XYLT1: variants seen among roughly 807,000 people sequenced by gnomAD.
The protein encoded by XYLT1 is xylosyltransferase 1.
A neutral mutation model predicts 91.3 loss-of-function variants in XYLT1; 36 were observed. That is an observed-to-expected ratio of 0.39 (90% confidence interval 0.30 to 0.52). The LOEUF is 0.52. Ranked by LOEUF, XYLT1 falls within the 20% of genes least tolerant of loss-of-function variation. The pLI, the probability that XYLT1 is intolerant of heterozygous loss-of-function variation, is 0.68. For missense variants in XYLT1, 1,242 were observed against 1,284.5 expected, an observed-to-expected ratio of 0.97 and a Z score of 0.51; for synonymous variants, 588 against 532.0, an observed-to-expected ratio of 1.11 and a Z score of -1.45.
At chr16:17,447,556 C>T (rs1356480139) in intron 1 of XYLT1, among the ~76,000 whole-genome samples, 3 of 152,234 alleles carry the variant, frequency 2.0e-5, no homozygotes, top group Non-Finnish European at 4.4e-5. Flanking sequence ...ACATTTGGAA[C>T]TTGGCAGGGG....
At chr16:17,224,993 G>A (rs952816915) in intron 3 of XYLT1, among the ~76,000 whole-genome samples, 1 of 152,084 alleles carries the variant, frequency 6.6e-6, no homozygotes, top group Non-Finnish European at 1.5e-5. Context: ...CTTAACTTAC[G>A]CAACAGGTGG....
intron 6 of XYLT1, among the ~76,000 whole-genome samples, chr16:17,152,161 C>T (rs1468033097): frequency 6.6e-6 from 1 of 152,158 alleles, no homozygotes; most frequent in Non-Finnish European, 1.5e-5. Flanking sequence ...TCATACTCTA[C>T]CTTTCAGAGA....
chr16:17,139,175 G>A (rs1663629789), intron 7 of XYLT1, among the ~76,000 whole-genome samples: 1 of 152,208 alleles, frequency 6.6e-6, no homozygotes, highest in African/African-American at 2.4e-5. Context: ...TGGAGTACTT[G>A]AGAGACTGCC....
intron 1 of XYLT1, among the ~76,000 whole-genome samples, chr16:17,401,417 G>T (rs1168169212): frequency 6.6e-6 from 1 of 152,184 alleles, no homozygotes; most frequent in Non-Finnish European, 1.5e-5. Flanking sequence ...GCAAGCTGAA[G>T]TTGTGGAAAT....
intron 1 of XYLT1, among the ~76,000 whole-genome samples, chr16:17,410,423 G>C (rs1053820702): frequency 6.6e-6 from 1 of 152,188 alleles, no homozygotes; most frequent in African/African-American, 2.4e-5. Flanking sequence ...TCACATGGCA[G>C]CAGACAAGGG....
At chr16:17,239,697 C>T (rs2033315320) in intron 3 of XYLT1, among the ~76,000 whole-genome samples, 1 of 150,608 alleles carries the variant, frequency 6.6e-6, no homozygotes, top group Admixed American at 6.6e-5. Flanking sequence ...CATCCATCCA[C>T]CCATCCATCC....
intron 2 of XYLT1, among the ~76,000 whole-genome samples, chr16:17,274,899 G>A (rs1459127068): frequency 5.3e-5 from 8 of 152,076 alleles, no homozygotes; most frequent in East Asian, 3.8e-4. Context: ...GAGCAGGGCC[G>A]GGCACGGTGG....
At chr16:17,334,686 A>G (rs6498682) in intron 2 of XYLT1, among the ~76,000 whole-genome samples, 22,440 of 152,140 alleles carry the variant, frequency 0.15, 1,989 homozygotes, top group African/African-American at 0.25. Context: ...ATCTACTATT[A>G]TCCTGGCTAA....
At chr16:17,348,377 G>A (rs75206805) in intron 2 of XYLT1, among the ~76,000 whole-genome samples, 1,688 of 152,208 alleles carry the variant, frequency 0.011, 18 homozygotes, top group Middle Eastern at 0.027. Flanking sequence ...TTCCTTCCAT[G>A]TCAAGTATAA....
intron 1 of XYLT1, among the ~76,000 whole-genome samples, chr16:17,442,026 C>A (rs1472867473): frequency 6.6e-6 from 1 of 151,848 alleles, no homozygotes; most frequent in Non-Finnish European, 1.5e-5. Context: ...GGTGGCTGAT[C>A]CACCCCCATG....
At chr16:17,230,458 C>T (rs1165915868) in intron 3 of XYLT1, among the ~76,000 whole-genome samples, 1 of 152,164 alleles carries the variant, frequency 6.6e-6, no homozygotes, top group African/African-American at 2.4e-5. Flanking sequence ...CACTCTAAGC[C>T]TTCCGTGAGC....
chr16:17,417,760 T>C (rs140487528), intron 1 of XYLT1, among the ~76,000 whole-genome samples: 177 of 152,312 alleles, frequency 1.2e-3, no homozygotes, highest in South Asian at 6.6e-3. Context: ...AGCTGACCAA[T>C]TGAATGCAGT....
intron 3 of XYLT1, among the ~76,000 whole-genome samples, chr16:17,212,773 A>C (rs1417745493): frequency 6.6e-6 from 1 of 152,184 alleles, no homozygotes. Flanking sequence ...TATACTGCTC[A>C]ATAAATGGAA....
chr16:17,190,270 T>A (rs1009584058), intron 5 of XYLT1, among the ~76,000 whole-genome samples: 5 of 152,162 alleles, frequency 3.3e-5, no homozygotes, highest in Non-Finnish European at 7.3e-5. Flanking sequence ...AGTGGTTAAT[T>A]TTATGTTATA....
intron 1 of XYLT1, among the ~76,000 whole-genome samples, chr16:17,370,093 G>A (rs1349801647): frequency 1.3e-5 from 2 of 152,186 alleles, no homozygotes; most frequent in Non-Finnish European, 2.9e-5. Flanking sequence ...GAGGAAGGGG[G>A]TCCAGGTCAC....
At chr16:17,319,785 A>G (rs1379854054) in intron 2 of XYLT1, among the ~76,000 whole-genome samples, 1 of 152,164 alleles carries the variant, frequency 6.6e-6, no homozygotes, top group Non-Finnish European at 1.5e-5. Context: ...TTTGAATTCC[A>G]GCTCTGACAT....
chr16:17,259,370 G>C lies in XYLT1; in HGVS notation c.531C>G (p.His177Gln). 3 of 1,614,148 alleles carry C rather than the reference G, an allele frequency of 1.9e-6. No individual in the cohort carries two copies. The highest frequency in any genetic ancestry group is 2.5e-6 in the Non-Finnish European group (3 of 1,180,038). Residue 177 changes from histidine (H) to glutamine (Q), a missense_variant, in exon 3 of 12, where the codon CAC becomes CAG. His to Gln is a conservative substitution (Grantham distance 24). Coordinates refer to ENST00000261381, the MANE Select transcript of XYLT1 (RefSeq NM_022166.4). Reference protein sequence around the residue: ...NFAPRTQKQKHQPELAKKPPS... With the variant: ...NFAPRTQKQKQQPELAKKPPS... ...GTGGCTTCTTCGCCAACTCAGGCTG[G>C]TGCTTCTGCTTTTGAGTCCTGGGTG...
rs1467665314 is a variant in XYLT1 at position 17,235,200 on chromosome 16, A to C, written c.913+23788T>G. The stretch of plus-strand genomic sequence containing the variant: ...TGTAGTTCTAGATTTCAGAGGGAAA[A>C]GCTCCCTTATCTCACACAAGTCAGA... On this transcript the variant is annotated intron_variant, in intron 3 of 11. Coordinates refer to ENST00000261381, the MANE Select transcript of XYLT1 (RefSeq NM_022166.4). Among the ~76,000 whole-genome samples, 3 of 152,240 alleles carry C rather than the reference A, an allele frequency of 2.0e-5. 1 individual carries two copies. In the South Asian group the frequency reaches 6.2e-4, roughly 32 times the overall value.
intron 3 of XYLT1, among the ~76,000 whole-genome samples, chr16:17,240,268 G>A (rs1171628538): frequency 6.6e-6 from 1 of 152,118 alleles, no homozygotes; most frequent in Non-Finnish European, 1.5e-5. Context: ...AGGGAGAATG[G>A]GTGAGAATAA....
Sources: allele counts gnomAD v4.1 joint callset (sites outside exome capture counted in the v4.1 genomes callset), GRCh38; gene constraint gnomAD v4.1.1; transcripts MANE v1.5; gene names NCBI Gene and HGNC (gene_info 2026-07-23, HGNC 2026-07-21).